The following ZBTB16 variants were observed in gnomAD, a reference collection of about 807,000 sequenced individuals.
ZBTB16 encodes zinc finger and BTB domain containing 16.
In ZBTB16, 8 loss-of-function variants were observed where a neutral mutation model predicts 56.8. The observed-to-expected ratio is 0.14, with a 90% CI of 0.08 to 0.25. The LOEUF (loss-of-function observed/expected upper bound fraction) is 0.25. Among genes scored for constraint, ZBTB16 ranks in the 10% least tolerant of loss-of-function variants. ZBTB16 has a pLI of 1.00. For synonymous variants in ZBTB16, 363 were observed against 368.5 expected (o/e 0.98, Z 0.17); for missense variants, 625 against 903.0 (o/e 0.69, Z 3.95).
intron 4 of ZBTB16, among the ~76,000 whole-genome samples, chr11:114,221,413 GA>G (rs1944230607): frequency 6.6e-6 from 1 of 152,214 alleles, no homozygotes. Context: ...TGCCTGTTGG[GA>G]GATTAAATAA....
intron 2 of ZBTB16, among the ~76,000 whole-genome samples, chr11:114,114,441 A>G (rs1191420524): frequency 4.6e-5 from 7 of 152,160 alleles, no homozygotes; most frequent in African/African-American, 4.8e-5. Context: ...GTTGATCTTT[A>G]TCTTTGCTGC....
chr11:114,098,324 G>A (rs571873933), intron 2 of ZBTB16, among the ~76,000 whole-genome samples: 10 of 152,200 alleles, frequency 6.6e-5, no homozygotes, highest in East Asian at 5.8e-4. Context: ...AGGTAGGGGC[G>A]CACTATATAT....
Position 114,064,460 on chromosome 11 carries a change from A to G in ZBTB16, c.1160A>G (p.Lys387Arg). The G allele has an allele frequency of 6.2e-7, 1 of 1,614,128 alleles. No individual in the cohort carries two copies. The highest frequency in any genetic ancestry group is 8.5e-7 in the Non-Finnish European group (1 of 1,180,032). The change falls in exon 2 of 7, where the codon AAG becomes AGG. Residue 387 changes from lysine to arginine, a missense_variant. Physicochemically the swap from Lys to Arg is conservative, Grantham distance 26 (BLOSUM62 2). Around this residue, in one of 6 missense-constraint regions of ZBTB16, gnomAD observed 384 missense variants for 393.5 expected, o/e 0.98. Transcript: ENST00000335953. This position sits in a 1 kb window ranked among gnomAD's most constrained non-coding sequence, Gnocchi z 4.2. ...TTCATCCAGAGGGAGCTGTTCAGCAAGCTGGGGGAGCTGGCTGTGGGCATG... is the reference window on the plus strand; with the variant it reads ...TTCATCCAGAGGGAGCTGTTCAGCAGGCTGGGGGAGCTGGCTGTGGGCATG... ...QGFIQRELFS[K>R]LGELAVGMKS...
At chr11:114,177,110 A>G (rs1013133010) in intron 3 of ZBTB16, among the ~76,000 whole-genome samples, 1 of 152,256 alleles carries the variant, frequency 6.6e-6, no homozygotes, top group African/African-American at 2.4e-5. Context: ...TTCTATAATC[A>G]TGATAATGAC....
intron 3 of ZBTB16, among the ~76,000 whole-genome samples, chr11:114,182,684 G>A (rs866116836): frequency 3.9e-5 from 6 of 152,248 alleles, no homozygotes; most frequent in Middle Eastern, 6.8e-3. Context: ...TTCAGCTGGC[G>A]TGACCTTCTT....
intron 2 of ZBTB16, among the ~76,000 whole-genome samples, chr11:114,083,028 T>G (rs1412712909): frequency 6.6e-6 from 1 of 152,120 alleles, no homozygotes; most frequent in Non-Finnish European, 1.5e-5. Flanking sequence ...TTTGCCCGAG[T>G]GGCTCCTGGC....
intron 4 of ZBTB16, among the ~76,000 whole-genome samples, chr11:114,230,141 C>G (rs1318667051): frequency 6.6e-6 from 1 of 152,164 alleles, no homozygotes; most frequent in Admixed American, 6.5e-5. Flanking sequence ...ACGTAGAGCT[C>G]CTGGGCTCGA....
chr11:114,137,920 C>T (rs142845294), intron 2 of ZBTB16, among the ~76,000 whole-genome samples: 1 of 152,278 alleles, frequency 6.6e-6, no homozygotes, highest in African/African-American at 2.4e-5. Flanking sequence ...GTGTGGCCAG[C>T]CCCATGCTGT....
Position 114,250,265 on chromosome 11 carries a change from T to C in ZBTB16, c.1793-61T>C, listed in dbSNP as rs1044026696. 1.9e-6 allele frequency: 3 copies of C among 1,573,582 alleles called. No individual in the cohort carries two copies. The highest frequency in any genetic ancestry group is 1.3e-5 in the African/African-American group (1 of 74,344). ...TTCCCTGGCACGCCTGAGGGTGACA[T>C]GGTGCCCTCACCGCCTTCTGTCTGT... On this transcript the variant is annotated intron_variant, in intron 6 of 6. Transcript: ENST00000335953. This position sits in a 1 kb window ranked among gnomAD's most constrained non-coding sequence, Gnocchi z 6.0.
intron 5 of ZBTB16, among the ~76,000 whole-genome samples, chr11:114,243,156 G>T (rs1317430376): frequency 1.3e-5 from 2 of 152,166 alleles, no homozygotes; most frequent in Non-Finnish European, 2.9e-5. Flanking sequence ...GACAAAACTG[G>T]GGCTCTGCTG....
At position 114,078,557 on chromosome 11, in the gene ZBTB16, T is replaced by A. The variant is rs1591644274; in HGVS notation, c.1268+13989T>A. 3.3e-5 allele frequency among the ~76,000 whole-genome samples: 5 copies of A among 152,300 alleles called. No individual in the cohort carries two copies. The South Asian group carries it at 1.0e-3, about 32-fold the overall frequency. ...AACCCAGCTGATAGCTTTGTTTTGATGTCCTTGTAATGTTTGCGGATCGCA... is the reference window on the plus strand; with the variant it reads ...AACCCAGCTGATAGCTTTGTTTTGAAGTCCTTGTAATGTTTGCGGATCGCA... On this transcript the variant is annotated intron_variant, in intron 2 of 6. Coordinates refer to ENST00000335953, the MANE Select transcript of ZBTB16 (RefSeq NM_006006.6).
Position 114,140,458 on chromosome 11 carries a change from A to C in ZBTB16, c.1269-15879A>C, listed in dbSNP as rs539774187. Among the ~76,000 whole-genome samples the C allele has an allele frequency of 5.8e-4, 89 of 152,290 alleles. No homozygotes were observed. The Middle Eastern group carries it at 0.014, about 23-fold the overall frequency. ...ATGCCAAATAAATACCTATCAATCAATCAGTCAATGGATTCTCAACTTGCC... is the reference window on the plus strand; with the variant it reads ...ATGCCAAATAAATACCTATCAATCACTCAGTCAATGGATTCTCAACTTGCC... On this transcript the variant is annotated intron_variant, in intron 2 of 6. Transcript: ENST00000335953.
intron 2 of ZBTB16, among the ~76,000 whole-genome samples, chr11:114,135,827 C>T (rs1031971303): frequency 7.2e-5 from 11 of 152,194 alleles, no homozygotes; most frequent in South Asian, 4.1e-4. Context: ...TTACTGTTCT[C>T]GGGTGCTCTT....
At chr11:114,166,631 G>T (rs1476011366) in intron 3 of ZBTB16, among the ~76,000 whole-genome samples, 1 of 152,014 alleles carries the variant, frequency 6.6e-6, no homozygotes, top group South Asian at 2.1e-4. Flanking sequence ...GACTTCTACC[G>T]ACATTCATGC....
chr11:114,163,761 C>T (rs1440463635), intron 3 of ZBTB16, among the ~76,000 whole-genome samples: 1 of 152,234 alleles, frequency 6.6e-6, no homozygotes, highest in Non-Finnish European at 1.5e-5. Context: ...GTTGGGGAAG[C>T]TCGTTCCATC....
intron 2 of ZBTB16, among the ~76,000 whole-genome samples, chr11:114,075,931 A>AT: frequency 6.6e-6 from 1 of 152,146 alleles, no homozygotes; most frequent in Admixed American, 6.5e-5. Context: ...TCTAAGTGTG[A>AT]TTTTTGCAGA....
At chr11:114,170,864 C>G (rs889687965) in intron 3 of ZBTB16, among the ~76,000 whole-genome samples, 5 of 152,202 alleles carry the variant, frequency 3.3e-5, no homozygotes, top group Admixed American at 2.6e-4. Context: ...TTGCTGGAGT[C>G]TTCCTTCCTC....
intron 2 of ZBTB16, among the ~76,000 whole-genome samples, chr11:114,065,933 G>A (rs1939098601): frequency 6.6e-6 from 1 of 152,150 alleles, no homozygotes; most frequent in African/African-American, 2.4e-5. Flanking sequence ...AAATAACAGG[G>A]GGGATAAGTA....
At chr11:114,097,403 A>G (rs1940456489) in intron 2 of ZBTB16, among the ~76,000 whole-genome samples, 1 of 152,236 alleles carries the variant, frequency 6.6e-6, no homozygotes, top group Non-Finnish European at 1.5e-5. Context: ...ACACAACATC[A>G]GGAGTGTACT....
Sources: gnomAD v4.1 joint callset for allele counts (sites outside exome capture counted in the v4.1 genomes callset) on GRCh38, gnomAD v4.1.1 for gene constraint, gnomAD v4.1.1 regional missense constraint, Gnocchi (gnomAD v3.1) non-coding constraint, MANE v1.5 for transcripts, NCBI Gene and HGNC (gene_info 2026-07-23, HGNC 2026-07-21) for gene names.